The following ALDH6A1 variants were observed in gnomAD, a reference collection of about 807,000 sequenced individuals.
ALDH6A1 encodes aldehyde dehydrogenase 6 family member A1, also known as methylmalonate-semialdehyde/malonate-semialdehyde dehydrogenase [acylating], mitochondrial.
In ALDH6A1, 43 loss-of-function variants were observed where a neutral mutation model predicts 62.6. The ratio of observed to expected loss-of-function variants is 0.69; its 90% CI spans 0.54 to 0.89. ALDH6A1 has a LOEUF of 0.89. Among genes scored for constraint, ALDH6A1 ranks in the 40% least tolerant of loss-of-function variants. The pLI is 0.00. For synonymous variants in ALDH6A1, 194 were observed against 234.2 expected (o/e 0.83, Z 1.57); for missense variants, 551 against 661.3 (o/e 0.83, Z 1.83).
Position 74,069,292 on chromosome 14 carries a change from CG to C in ALDH6A1, c.731-312del, listed in dbSNP as rs2060517151. ...CTAATTTTTGTATTTTTAGTAGACA[CG>C]GGGTTTCACAATCTTGGCCAGGCTG... On this transcript the variant is annotated intron_variant, in intron 6 of 11. Transcript: ENST00000553458. 1.2e-5 allele frequency: 4 copies of C among 347,320 alleles called. No homozygotes were observed. The East Asian group carries it at 2.3e-4, about 20-fold the overall frequency. The allele number at this position is 347,320 out of a possible 1,614,324, so 21.5% of individuals were successfully genotyped here.
At position 74,071,305 on chromosome 14, in the gene ALDH6A1, A is replaced by G. The variant is rs2060545828; in HGVS notation, c.620T>C (p.Leu207Pro). 4 of 1,614,226 alleles carry G rather than the reference A, an allele frequency of 2.5e-6. No homozygotes were observed. The highest frequency in any genetic ancestry group is 3.4e-6 in the Non-Finnish European group (4 of 1,180,042). ...AGGGACTCGCTCAGATGGTTTCATT[A>G]GGAAGGTATTTCCACACACCATGGC... Reference protein sequence around the residue: ...PMAMVCGNTFLMKPSERVPGA... With the variant: ...PMAMVCGNTFPMKPSERVPGA... Residue 207 changes from leucine to proline, a missense_variant, in exon 6 of 12, where the codon CTA becomes CCA. Coordinates refer to ENST00000553458, the MANE Select transcript of ALDH6A1 (RefSeq NM_005589.4).
In ALDH6A1 at chr14:74,056,999, A is replaced by C. The variant is rs1158638228; in HGVS notation, c.*3643T>G. 16 of 1,607,618 alleles carry C rather than the reference A, an allele frequency of 1.0e-5. No homozygotes were observed. Among genetic ancestry groups the C allele is most frequent in the Non-Finnish European group, 1.4e-5 (16 of 1,175,466 alleles). ...AATTTGGGTAAGAGCTCTCTTGCTTAAGTAATAAACATGAGCCCAACACGA... is the reference window on the plus strand; with the variant it reads ...AATTTGGGTAAGAGCTCTCTTGCTTCAGTAATAAACATGAGCCCAACACGA... On this transcript the variant is annotated 3_prime_UTR_variant, in exon 12 of 12. Transcript: ENST00000553458.
chr14:74,078,682 C>T lies in ALDH6A1; in HGVS notation c.49-3665G>A, dbSNP rs190721999. Among the ~76,000 whole-genome samples the T allele has an allele frequency of 2.8e-3, 421 of 152,106 alleles. 7 individuals carry two copies. The highest frequency in any genetic ancestry group is 9.2e-3 in the African/African-American group (379 of 41,396). ...AGCTGGGATTACAGGCATGTGCCAC[C>T]ACATCCAGCTAATTTTTTGTATTTT... is the stretch of plus-strand genomic sequence containing the variant. On this transcript the variant is annotated intron_variant, in intron 1 of 11. Transcript: ENST00000553458.
chr14:74,069,533 C>G (rs2060520255), intron 6 of ALDH6A1, among the ~76,000 whole-genome samples: 1 of 151,668 alleles, frequency 6.6e-6, no homozygotes. Context: ...GGTGGATCAC[C>G]TGAGGTCAGG....
At chr14:74,075,579 C>T (rs1462059344) in intron 1 of ALDH6A1, among the ~76,000 whole-genome samples, 1 of 151,876 alleles carries the variant, frequency 6.6e-6, no homozygotes, top group Non-Finnish European at 1.5e-5. Flanking sequence ...ATTGCTTCAG[C>T]CCGGGAGGGT....
chr14:74,068,780 G>T, intron 7 of ALDH6A1, 80 bp downstream of exon 7: 1 of 1,500,734 alleles, frequency 6.7e-7, no homozygotes, highest in Non-Finnish European at 9.2e-7. Flanking sequence ...TGGGATGAGT[G>T]GCCTCTCTGC....
intron 6 of ALDH6A1, 58 bp from the exon 7 acceptor site, chr14:74,069,039 A>G (rs1217782588): frequency 3.1e-6 from 5 of 1,587,618 alleles, no homozygotes; most frequent in Non-Finnish European, 4.3e-6. Context: ...TCAACATGGC[A>G]AATTTCCCCT....
chr14:74,065,185 C>T lies in ALDH6A1; in HGVS notation c.1400G>A (p.Gly467Glu), dbSNP rs747566637. ...TTAAAAATTCTGTTCACGAACCTGT[C>T]CAACATCCACCAAGTGGGCATATTT... ...ARKYAHLVDV[G>E]QVGVNVPIPV... The change falls in exon 10 of 12, where the codon GGA becomes GAA. Residue 467 changes from glycine (G) to glutamate (E), a missense_variant. By Grantham distance (98) the Gly-to-Glu change is moderately conservative. Transcript: ENST00000553458. 10 of 1,613,944 alleles carry T rather than the reference C, an allele frequency of 6.2e-6. No homozygotes were observed. Among genetic ancestry groups the T allele is most frequent in the African/African-American group, 1.3e-5 (1 of 74,890 alleles).
chr14:74,077,190 G>A (rs948117441), intron 1 of ALDH6A1, among the ~76,000 whole-genome samples: 2 of 152,130 alleles, frequency 1.3e-5, no homozygotes, highest in Admixed American at 6.6e-5. Context: ...TATAGTACTC[G>A]GTAGGTAGTA....
intron 1 of ALDH6A1, among the ~76,000 whole-genome samples, chr14:74,075,534 G>A (rs889892178): frequency 6.6e-6 from 1 of 152,030 alleles, no homozygotes; most frequent in African/African-American, 2.4e-5. Flanking sequence ...GCACATGCCT[G>A]TGGTCCCAGC....
rs758405647 is a variant in ALDH6A1, at chr14:74,067,505, A to C, written c.917T>G (p.Val306Gly). ...ANKENTLNQL[V>G]GAAFGAAGQR... is the part of the protein sequence containing the mutation. ...ACCAGCAGCTCCAAATGCTGCCCCA[A>C]CCAGCTGGTTCAGGGTATTTTCCTT... is the stretch of plus-strand genomic sequence containing the variant. Residue 306 changes from valine to glycine, a missense_variant, in exon 8 of 12, where the codon GTT becomes GGT. Transcript: ENST00000553458. 6.2e-7 allele frequency: 1 copy of C among 1,614,110 alleles called. No homozygotes were observed. The highest frequency in any genetic ancestry group is 1.1e-5 in the South Asian group (1 of 91,080).
chr14:74,071,630 C>A, intron 5 of ALDH6A1, 133 bp from the exon 6 acceptor site: 3 of 1,563,868 alleles, frequency 1.9e-6, no homozygotes, highest in Non-Finnish European at 8.6e-7. Context: ...CTTGCCCTTC[C>A]AAGTTAAGGG....
intron 7 of ALDH6A1, among the ~76,000 whole-genome samples, chr14:74,067,811 G>T (rs2060491761): frequency 6.6e-6 from 1 of 152,050 alleles, no homozygotes; most frequent in African/African-American, 2.4e-5. Context: ...TGTGGTCCCA[G>T]CTACTTGGGA....
At chr14:74,082,462 C>T (rs532326742) in intron 1 of ALDH6A1, among the ~76,000 whole-genome samples, 2 of 136,962 alleles carry the variant, frequency 1.5e-5, no homozygotes, top group African/African-American at 5.5e-5. Flanking sequence ...TGCAATGGCA[C>T]GATCTCAGCT....
chr14:74,077,285 T>G (rs1051919351), intron 1 of ALDH6A1, among the ~76,000 whole-genome samples: 1 of 152,226 alleles, frequency 6.6e-6, no homozygotes, highest in African/African-American at 2.4e-5. Context: ...GGCCCTTTTT[T>G]GTCCTCTGAA....
rs980439021 is a variant in ALDH6A1 at position 74,057,929 on chromosome 14, A to G, written c.*2713T>C. ...TTTAGAAGTGATTTCCCTTAAATAT[A>G]AGGAAAATGTTAGGAATCTCTGTGA... On this transcript the variant is annotated 3_prime_UTR_variant, in exon 12 of 12. Transcript: ENST00000553458. 1 of 989,872 alleles carries G rather than the reference A, an allele frequency of 1.0e-6. No homozygotes were observed. Among genetic ancestry groups the G allele is most frequent in the African/African-American group, 1.8e-5 (1 of 57,124 alleles). The allele number at this position is 989,872 out of a possible 1,614,324, so 61.3% of individuals were successfully genotyped here.
chr14:74,068,923 G>T lies in ALDH6A1; in HGVS notation c.789C>A (p.Asn263Lys). The change falls in exon 7 of 12, where the codon AAC becomes AAA. Residue 263 changes from asparagine (N) to lysine (K), a missense_variant. Asn to Lys is a moderately conservative substitution (Grantham distance 94). Coordinates refer to ENST00000553458, the MANE Select transcript of ALDH6A1 (RefSeq NM_005589.4). ...TCTCGAAGATATACTCTCCTGCCTT[G>T]TTGGATCCCACAAAGCTGATTGCTT... ...DIKAISFVGS[N>K]KAGEYIFERG... 1.9e-6 allele frequency: 3 copies of T among 1,613,990 alleles called. No homozygotes were observed. The highest frequency in any genetic ancestry group is 2.5e-6 in the Non-Finnish European group (3 of 1,179,942).
At position 74,057,274 on chromosome 14, in the gene ALDH6A1, C is replaced by T. The variant is rs777741048; in HGVS notation, c.*3368G>A. ...GTCTGACACAGTAAGGAGTCTGTATCTAATCAAACAATGTATATTGTTGTC... is the reference window on the plus strand; with the variant it reads ...GTCTGACACAGTAAGGAGTCTGTATTTAATCAAACAATGTATATTGTTGTC... On this transcript the variant is annotated 3_prime_UTR_variant, in exon 12 of 12. Transcript: ENST00000553458. 11 of 1,614,054 alleles carry T rather than the reference C, an allele frequency of 6.8e-6. No homozygotes were observed. The Admixed American group carries it at 1.8e-4, about 27-fold the overall frequency.
At chr14:74,081,976 G>A (rs534339530) in intron 1 of ALDH6A1, among the ~76,000 whole-genome samples, 1 of 152,314 alleles carries the variant, frequency 6.6e-6, no homozygotes, top group South Asian at 2.1e-4. Flanking sequence ...GGAGGCTGAG[G>A]TGGGAGGATA....
Sources: gnomAD v4.1 joint callset for allele counts (sites outside exome capture counted in the v4.1 genomes callset) on GRCh38, gnomAD v4.1.1 for gene constraint, MANE v1.5 for transcripts, NCBI Gene and HGNC (gene_info 2026-07-23, HGNC 2026-07-21) for gene names.